The following CHRNA7 variants were observed in gnomAD, a reference collection of about 807,000 sequenced individuals.
The protein encoded by CHRNA7 is cholinergic receptor nicotinic alpha 7 subunit.
A neutral mutation model predicts 48.0 loss-of-function variants in CHRNA7; 17 were observed. The ratio of observed to expected loss-of-function variants is 0.35; its 90% CI spans 0.24 to 0.53. CHRNA7 has a LOEUF of 0.53. Ranked by LOEUF, CHRNA7 falls within the 20% of genes least tolerant of loss-of-function variation. The pLI, the probability that CHRNA7 is intolerant of heterozygous loss-of-function variation, is 0.92. For synonymous variants in CHRNA7, 75 were observed against 242.3 expected, an observed-to-expected ratio of 0.31 and a Z score of 6.41; for missense variants, 155 against 577.7, an observed-to-expected ratio of 0.27 and a Z score of 7.50.
intron 2 of CHRNA7, among the ~76,000 whole-genome samples, chr15:32,088,068 C>T (rs1375116993): frequency 6.6e-6 from 1 of 152,114 alleles, no homozygotes; most frequent in East Asian, 1.9e-4. Flanking sequence ...AATTCTCTGC[C>T]CTAGAAGTAC....
At chr15:32,130,024 C>G (rs2141315244) in intron 4 of CHRNA7, among the ~76,000 whole-genome samples, 1 of 152,064 alleles carries the variant, frequency 6.6e-6, no homozygotes, top group Middle Eastern at 3.4e-3. Context: ...CATCTTAATG[C>G]TATTCATGTC....
intron 2 of CHRNA7, among the ~76,000 whole-genome samples, chr15:32,070,826 A>G (rs1055722720): frequency 6.6e-6 from 1 of 151,738 alleles, no homozygotes; most frequent in African/African-American, 2.4e-5. Flanking sequence ...AGCTGGGACT[A>G]CAGGCACCCA....
At chr15:32,048,958 G>T (rs1416259302) in intron 2 of CHRNA7, among the ~76,000 whole-genome samples, 1 of 149,672 alleles carries the variant, frequency 6.7e-6, no homozygotes, top group African/African-American at 2.5e-5. Context: ...AGGTTGTTCA[G>T]TTTCCACGTA....
At chr15:32,117,508 G>A (rs1338168185) in intron 4 of CHRNA7, among the ~76,000 whole-genome samples, 1 of 152,180 alleles carries the variant, frequency 6.6e-6, no homozygotes, top group Non-Finnish European at 1.5e-5. Flanking sequence ...TGCTTTGATT[G>A]TAGATCCAAT....
At chr15:32,064,482 A>AGTGTGTGT (rs5811677) in intron 2 of CHRNA7, among the ~76,000 whole-genome samples, 11 of 150,622 alleles carry the variant, frequency 7.3e-5, no homozygotes, top group South Asian at 2.1e-4. Flanking sequence ...GTGTGTGTGT[A>AGTGTGTGT]GTGTGTGTGT....
intron 4 of CHRNA7, among the ~76,000 whole-genome samples, chr15:32,126,884 C>T (rs561927686): frequency 6.6e-6 from 1 of 152,158 alleles, no homozygotes; most frequent in South Asian, 2.1e-4. Context: ...TGGTATATTC[C>T]ACAAAGTTTA....
chr15:32,069,062 A>G (rs1302637319), intron 2 of CHRNA7, among the ~76,000 whole-genome samples: 1 of 152,206 alleles, frequency 6.6e-6, no homozygotes. Context: ...CAACTACATA[A>G]AGCAATAATT....
intron 2 of CHRNA7, among the ~76,000 whole-genome samples, chr15:32,098,465 G>A (rs1266598912): frequency 6.6e-6 from 1 of 152,166 alleles, no homozygotes; most frequent in Non-Finnish European, 1.5e-5. Flanking sequence ...AGGGGGAAAG[G>A]GGTCAGTCAA....
chr15:32,081,406 T>C (rs1241681071), intron 2 of CHRNA7, among the ~76,000 whole-genome samples: 1 of 152,044 alleles, frequency 6.6e-6, no homozygotes, highest in African/African-American at 2.4e-5. Flanking sequence ...CTGTATTTTG[T>C]TTATCTTTTT....
chr15:32,030,856 C>T, intron 1 of CHRNA7, 42 bp from the exon 2 acceptor site: 6 of 1,598,412 alleles, frequency 3.8e-6, no homozygotes, highest in Non-Finnish European at 4.3e-6. Flanking sequence ...GTACCCCCGC[C>T]GGCCTGCCCT....
chr15:32,150,051 TTTTTA>T (rs1389995366), intron 4 of CHRNA7, among the ~76,000 whole-genome samples: 2 of 152,232 alleles, frequency 1.3e-5, no homozygotes, highest in Non-Finnish European at 2.9e-5. Flanking sequence ...AATATTTATG[TTTTTA>T]TTTTATTTTA....
At chr15:32,063,169 C>T (rs999891055) in intron 2 of CHRNA7, among the ~76,000 whole-genome samples, 10 of 152,002 alleles carry the variant, frequency 6.6e-5, no homozygotes, top group East Asian at 1.9e-4. Flanking sequence ...GTAAATGTGA[C>T]GGCCTGGGAC....
intron 4 of CHRNA7, among the ~76,000 whole-genome samples, chr15:32,130,786 T>G (rs1188360017): frequency 6.6e-6 from 1 of 152,034 alleles, no homozygotes; most frequent in Non-Finnish European, 1.5e-5. Context: ...TTTCTCTTCC[T>G]TCTTTTATTG....
chr15:32,032,858 GCTTT>G (rs1901909414), intron 2 of CHRNA7, among the ~76,000 whole-genome samples: 1 of 152,200 alleles, frequency 6.6e-6, no homozygotes, highest in South Asian at 2.1e-4. Flanking sequence ...GAAGCTGCAG[GCTTT>G]CTTCTGGGAA....
intron 2 of CHRNA7, among the ~76,000 whole-genome samples, chr15:32,078,074 T>C (rs1481819107): frequency 6.6e-6 from 1 of 152,174 alleles, no homozygotes; most frequent in East Asian, 1.9e-4. Context: ...GGGTTGCTTG[T>C]TTTCTTTTTG....
Position 32,059,609 on chromosome 15 carries a change from A to G in CHRNA7, c.195+28572A>G, listed in dbSNP as rs528135949. 1.4e-4 allele frequency among the ~76,000 whole-genome samples: 21 copies of G among 152,180 alleles called. 1 individual carries two copies. The highest frequency in any genetic ancestry group is 4.3e-4 in the African/African-American group (18 of 41,434). ...TTTGCTAAGGAGCATTACAGTGGGA[A>G]ATTAAATTTAGAAGCCACAGACTGA... On this transcript the variant is annotated intron_variant, in intron 2 of 9. Coordinates refer to ENST00000306901, the MANE Select transcript of CHRNA7 (RefSeq NM_000746.6).
intron 4 of CHRNA7, among the ~76,000 whole-genome samples, chr15:32,127,257 ATC>A (rs1566858928): frequency 1.3e-5 from 2 of 152,146 alleles, no homozygotes; most frequent in African/African-American, 4.8e-5. Context: ...CGCTATTGCA[ATC>A]ATAGCTTCTA....
intron 4 of CHRNA7, among the ~76,000 whole-genome samples, chr15:32,147,356 C>T (rs371788742): frequency 6.6e-6 from 1 of 152,144 alleles, no homozygotes. Context: ...ATGCGATATA[C>T]CCATGTGACA....
Position 32,149,120 on chromosome 15 carries a change from A to C in CHRNA7, c.351-4787A>C, listed in dbSNP as rs1000726134. On this transcript the variant is annotated intron_variant, in intron 4 of 9. Transcript: ENST00000306901. This position sits in a 1 kb window ranked among gnomAD's most constrained non-coding sequence, Gnocchi z 4.6. Reference sequence around the variant, plus strand: ...ATAAAGGCAGCTCCTGCAAGGACGGAGAGGCCACAGGCCGGCATCTTCACA... The same window carrying C: ...ATAAAGGCAGCTCCTGCAAGGACGGCGAGGCCACAGGCCGGCATCTTCACA... Among the ~76,000 whole-genome samples the C allele has an allele frequency of 1.3e-5, 2 of 152,244 alleles. No individual in the cohort carries two copies. Among genetic ancestry groups the C allele is most frequent in the Admixed American group, 6.5e-5 (1 of 15,286 alleles).
Sources: gnomAD v4.1 joint callset for allele counts (sites outside exome capture counted in the v4.1 genomes callset) on GRCh38, gnomAD v4.1.1 for gene constraint, Gnocchi (gnomAD v3.1) non-coding constraint, MANE v1.5 for transcripts, NCBI Gene and HGNC (gene_info 2026-07-23, HGNC 2026-07-21) for gene names.